The following RASGEF1A variants were observed in gnomAD, a reference collection of about 807,000 sequenced individuals.
RASGEF1A encodes ras-GEF domain-containing family member 1A.
A neutral mutation model predicts 56.4 loss-of-function variants in RASGEF1A; 18 were observed. The observed-to-expected ratio is 0.32, with a 90% CI of 0.22 to 0.47. RASGEF1A has a LOEUF of 0.47. Among genes scored for constraint, RASGEF1A ranks in the 20% least tolerant of loss-of-function variants. The pLI is 1.00. For missense variants in RASGEF1A, 422 were observed against 627.1 expected (o/e 0.67, Z 3.49); for synonymous variants, 245 against 242.6 (o/e 1.01, Z -0.09).
intron 1 of RASGEF1A, among the ~76,000 whole-genome samples, chr10:43,213,566 T>C (rs1840095635): frequency 1.3e-5 from 2 of 152,136 alleles, no homozygotes; most frequent in South Asian, 4.1e-4. Context: ...AAGGGAAGTT[T>C]TTGTGAAAGA....
intron 1 of RASGEF1A, among the ~76,000 whole-genome samples, chr10:43,246,169 A>G (rs1261901684): frequency 2.6e-5 from 4 of 152,228 alleles, no homozygotes; most frequent in Non-Finnish European, 5.9e-5. Context: ...TCAATTCGTA[A>G]TAGCATCAAA....
intron 1 of RASGEF1A, chr10:43,208,533 G>A (rs1840026763): frequency 1.0e-6 from 1 of 985,654 alleles, no homozygotes; most frequent in African/African-American, 1.7e-5. Context: ...GGTGTCCCAG[G>A]CAAGCAGAGG....
chr10:43,223,787 T>C (rs1387711578), intron 1 of RASGEF1A, among the ~76,000 whole-genome samples: 1 of 151,928 alleles, frequency 6.6e-6, no homozygotes, highest in Non-Finnish European at 1.5e-5. Context: ...TCCCAGCACT[T>C]TGGGGGGCTC....
intron 1 of RASGEF1A, among the ~76,000 whole-genome samples, chr10:43,220,775 A>C (rs1840196830): frequency 1.4e-5 from 2 of 146,274 alleles, no homozygotes; most frequent in African/African-American, 2.5e-5. Context: ...ACAGAACAAG[A>C]CTCTGTCTTA....
chr10:43,196,251 C>T lies in RASGEF1A; in HGVS notation c.1439G>A (p.Arg480Lys), dbSNP rs781461991. ...TCGCGGGCTGCATCCGCCTCAGGCTCTGTTCAGAAGGGTGGTCCTAGAGGG... is the reference window on the plus strand; with the variant it reads ...TCGCGGGCTGCATCCGCCTCAGGCTTTGTTCAGAAGGGTGGTCCTAGAGGG... ...WKTLRTTLLN[R>K]A is the part of the protein sequence containing the mutation. The change falls in exon 13 of 13, where the codon AGA becomes AAA. Residue 480 changes from arginine (R) to lysine (K), a missense_variant. By Grantham distance (26) the Arg-to-Lys change is conservative. This residue lies in a region of RASGEF1A where 149 missense variants were observed against 287.2 expected (regional missense o/e 0.52). Coordinates refer to ENST00000395810, the MANE Select transcript of RASGEF1A (RefSeq NM_145313.4). The surrounding 1 kb of genome is among the most constrained non-coding windows in gnomAD (Gnocchi z 4.6). The T allele has an allele frequency of 5.0e-6, 8 of 1,613,366 alleles. No individual in the cohort carries two copies. In the East Asian group the frequency reaches 6.7e-5, roughly 13 times the overall value.
At position 43,265,286 on chromosome 10, in the gene RASGEF1A, C is replaced by T. The variant is rs546702996; in HGVS notation, c.-7+1559G>A. On this transcript the variant is annotated intron_variant, in intron 1 of 12. Transcript: ENST00000395810. ...GATGCCTCCCAGAGAAAAACAAACT[C>T]ACTGGCTGGCCTTCAGGCCAAGGCA... Among the ~76,000 whole-genome samples, 151 of 152,380 alleles carry T rather than the reference C, an allele frequency of 9.9e-4. 1 individual carries two copies. Among genetic ancestry groups the T allele is most frequent in the African/African-American group, 3.3e-3 (139 of 41,590 alleles).
intron 1 of RASGEF1A, among the ~76,000 whole-genome samples, chr10:43,234,321 G>A (rs1840405858): frequency 6.6e-6 from 1 of 152,230 alleles, no homozygotes; most frequent in African/African-American, 2.4e-5. Context: ...GGGATGTGGA[G>A]GAAGGGACCT....
At chr10:43,224,224 A>C (rs1190398834) in intron 1 of RASGEF1A, among the ~76,000 whole-genome samples, 1 of 152,226 alleles carries the variant, frequency 6.6e-6, no homozygotes, top group African/African-American at 2.4e-5. Context: ...TCAACTACAC[A>C]ATTCATATTG....
intron 1 of RASGEF1A, among the ~76,000 whole-genome samples, chr10:43,240,238 T>G (rs1480838265): frequency 6.6e-6 from 1 of 152,216 alleles, no homozygotes; most frequent in Non-Finnish European, 1.5e-5. Context: ...ATTTGACCGC[T>G]AAGATAACTG....
At chr10:43,258,544 A>T (rs1020620120) in intron 1 of RASGEF1A, among the ~76,000 whole-genome samples, 1 of 152,248 alleles carries the variant, frequency 6.6e-6, no homozygotes, top group Non-Finnish European at 1.5e-5. Context: ...TGCAGGCCAC[A>T]GCAGGCGGCT....
At chr10:43,240,478 A>T (rs1840487061) in intron 1 of RASGEF1A, among the ~76,000 whole-genome samples, 1 of 152,212 alleles carries the variant, frequency 6.6e-6, no homozygotes, top group Non-Finnish European at 1.5e-5. Context: ...ACTAAAGGAA[A>T]GTATGGAAGC....
chr10:43,215,183 A>G (rs1328338341), intron 1 of RASGEF1A, among the ~76,000 whole-genome samples: 1 of 152,178 alleles, frequency 6.6e-6, no homozygotes, highest in Admixed American at 6.5e-5. Context: ...AAACTGGGAC[A>G]AAAACAGCCC....
At chr10:43,198,267 G>A (rs1839832833) in intron 9 of RASGEF1A, 72 bp from the exon 10 acceptor site, 1 of 1,358,422 alleles carries the variant, frequency 7.4e-7, no homozygotes, top group Non-Finnish European at 1.0e-6. Context: ...ATGCCCCTCT[G>A]CAGAGCAGGA....
In RASGEF1A at chr10:43,207,126, G is replaced by A. The variant is rs1004046627; in HGVS notation, c.-6-1004C>T. ...TGGACGATGCAGCAACTGCCAGCCT[G>A]AGGGCCAGAGGTGGCCTGCCTGTGG... On this transcript the variant is annotated intron_variant, in intron 1 of 12. Transcript: ENST00000395810. 1.0e-5 allele frequency: 10 copies of A among 985,368 alleles called. No homozygotes were observed. The African/African-American group carries it at 1.6e-4, about 15-fold the overall frequency. 61.0% of individuals were successfully genotyped at this position (985,368 alleles called of 1,614,324 possible).
In RASGEF1A at chr10:43,206,670, G is replaced by A. The variant is rs138219995; in HGVS notation, c.-6-548C>T. ...GTGGGAGCCTGGGGCTCTGAGCACA[G>A]TGGTCTGACTTACGGTGGCTGCCAC... is the stretch of plus-strand genomic sequence containing the variant. On this transcript the variant is annotated intron_variant, in intron 1 of 12. Transcript: ENST00000395810. 506 of 988,468 alleles carry A rather than the reference G, an allele frequency of 5.1e-4. 2 individuals carry two copies. The African/African-American group carries it at 8.2e-3, about 16-fold the overall frequency. The allele number at this position is 988,468 out of a possible 1,614,324, so 61.2% of individuals were successfully genotyped here.
chr10:43,214,522 G>A (rs1290707388), intron 1 of RASGEF1A, among the ~76,000 whole-genome samples: 1 of 152,196 alleles, frequency 6.6e-6, no homozygotes, highest in Non-Finnish European at 1.5e-5. Flanking sequence ...GCATCAGAAG[G>A]TGGCCCTATG....
At chr10:43,198,234 CAT>C in intron 9 of RASGEF1A, 39 bp from the exon 10 acceptor site, 1 of 1,549,910 alleles carries the variant, frequency 6.5e-7, no homozygotes, top group Non-Finnish European at 8.8e-7. Flanking sequence ...ATCACAGCCC[CAT>C]GCCCCTCCGA....
chr10:43,197,404 C>A (rs1839816879), intron 10 of RASGEF1A, among the ~76,000 whole-genome samples: 1 of 152,242 alleles, frequency 6.6e-6, no homozygotes, highest in African/African-American at 2.4e-5. Context: ...CAGCCTGAGG[C>A]AGGCACCCCA....
At chr10:43,216,671 G>A (rs1257001887) in intron 1 of RASGEF1A, among the ~76,000 whole-genome samples, 3 of 152,200 alleles carry the variant, frequency 2.0e-5, no homozygotes, top group Non-Finnish European at 4.4e-5. Flanking sequence ...AGTGGGCCAC[G>A]TCACAGGGAA....
Sources: gnomAD v4.1 joint callset for allele counts (sites outside exome capture counted in the v4.1 genomes callset) on GRCh38, gnomAD v4.1.1 for gene constraint, gnomAD v4.1.1 regional missense constraint, Gnocchi (gnomAD v3.1) non-coding constraint, MANE v1.5 for transcripts, NCBI Gene and HGNC (gene_info 2026-07-23, HGNC 2026-07-21) for gene names.